ASB16: variants seen among roughly 807,000 people sequenced by gnomAD.
ASB16 encodes the protein ankyrin repeat and SOCS box containing 16.
Under a neutral mutation model 39.1 loss-of-function variants are expected in ASB16, and 44 were observed. The observed-to-expected ratio is 1.13, with a 90% CI of 0.88 to 1.45. The LOEUF is 1.45. Ranked by LOEUF, ASB16 falls within the 40% of genes most tolerant of loss-of-function variation. The pLI, the probability that ASB16 is intolerant of heterozygous loss-of-function variation, is 0.00. For synonymous variants in ASB16, 305 were observed against 286.7 expected (o/e 1.06, Z -0.64); for missense variants, 698 against 634.5 (o/e 1.10, Z -1.07).
Position 44,176,841 on chromosome 17 carries a change from C to T in ASB16, c.673C>T (p.His225Tyr), listed in dbSNP as rs1655620920. Residue 225 changes from histidine (H) to tyrosine (Y), a missense_variant, in exon 3 of 5, where the codon CAT becomes TAT. His to Tyr is a moderately conservative substitution (Grantham distance 83). Transcript: ENST00000293414. ...HVAAARGLEQHVALYLEHGAD... is the reference protein window; with the variant it reads ...HVAAARGLEQYVALYLEHGAD... Reference sequence around the variant, plus strand: ...GGCGGCGGCGCGCGGCCTGGAGCAACATGTGGCTCTGTACCTGGAGCATGG... The same window carrying T: ...GGCGGCGGCGCGCGGCCTGGAGCAATATGTGGCTCTGTACCTGGAGCATGG... The T allele has an allele frequency of 1.2e-6, 2 of 1,611,888 alleles. No homozygotes were observed. The highest frequency in any genetic ancestry group is 1.7e-4 in the Middle Eastern group (1 of 6,058).
Position 44,170,922 on chromosome 17 carries a change from C to G in ASB16, c.133C>G (p.Pro45Ala). 1.2e-6 allele frequency: 2 copies of G among 1,613,042 alleles called. No individual in the cohort carries two copies. Among genetic ancestry groups the G allele is most frequent in the Non-Finnish European group, 1.7e-6 (2 of 1,179,856 alleles). ...CCGGAGCCGCAGGTGCCCGTCAAGTCCCCGGGCCCGACTCACTAGGCCTCA... is the reference window on the plus strand; with the variant it reads ...CCGGAGCCGCAGGTGCCCGTCAAGTGCCCGGGCCCGACTCACTAGGCCTCA... ...QCRSRRCPSS[P>A]RARLTRPHRS... is the part of the protein sequence containing the mutation. Residue 45 changes from proline to alanine, a missense_variant, in exon 1 of 5, where the codon CCC becomes GCC. Pro to Ala is a conservative substitution (Grantham distance 27). Coordinates refer to ENST00000293414, the MANE Select transcript of ASB16 (RefSeq NM_080863.5).
At position 44,170,940 on chromosome 17, in the gene ASB16, A is replaced by G. The variant is rs1191810767; in HGVS notation, c.151A>G (p.Arg51Gly). The G allele has an allele frequency of 1.2e-6, 2 of 1,613,512 alleles. No homozygotes were observed. The highest frequency in any genetic ancestry group is 3.3e-5 in the Admixed American group (2 of 60,000). Reference protein sequence around the residue: ...CPSSPRARLTRPHRSCRDPAV... With the variant: ...CPSSPRARLTGPHRSCRDPAV... ...GTCAAGTCCCCGGGCCCGACTCACT[A>G]GGCCTCACCGTTCCTGCCGAGACCC... is the stretch of plus-strand genomic sequence containing the variant. The change falls in exon 1 of 5, where the codon AGG becomes GGG. Residue 51 changes from arginine (R) to glycine (G), a missense_variant. Transcript: ENST00000293414.
rs1277309854 is a variant in ASB16 at position 44,171,028 on chromosome 17, A to T, written c.239A>T (p.Glu80Val). Residue 80 changes from glutamate to valine, a missense_variant, in exon 1 of 5, where the codon GAA becomes GTA. By Grantham distance (121) the Glu-to-Val change is moderately radical. Coordinates refer to ENST00000293414, the MANE Select transcript of ASB16 (RefSeq NM_080863.5). ...CAGGTCCAAGCCCTGTTCCAAGATG[A>T]AGAGGCCGCCAACATGATTGTGGAG... is the stretch of plus-strand genomic sequence containing the variant. ...LQQVQALFQD[E>V]EAANMIVETV... 2.5e-6 allele frequency: 4 copies of T among 1,614,048 alleles called. No homozygotes were observed. The highest frequency in any genetic ancestry group is 2.5e-6 in the Non-Finnish European group (3 of 1,180,020).
At chr17:44,177,577 G>T (rs2054316979) in intron 3 of ASB16, 32 bp from the exon 4 acceptor site, 1 of 1,605,986 alleles carries the variant, frequency 6.2e-7, no homozygotes, top group South Asian at 1.1e-5. Flanking sequence ...GGTGGGGGAG[G>T]CATGTGCCCA....
In ASB16 at chr17:44,177,024, A is replaced by G; in HGVS notation, c.856A>G (p.Thr286Ala). The change falls in exon 3 of 5, where the codon ACG becomes GCG. Residue 286 changes from threonine to alanine, a missense_variant. By Grantham distance (58) the Thr-to-Ala change is moderately conservative. Transcript: ENST00000293414. ...CCGGGCGGCCGGGCGCAAGCGCCAC[A>G]CGCCGCTGCACAACGCTTGTGCCAA... is the stretch of plus-strand genomic sequence containing the variant. ...DARAAGRKRH[T>A]PLHNACANGC... The G allele has an allele frequency of 6.7e-7, 1 of 1,489,864 alleles. No homozygotes were observed. Among genetic ancestry groups the G allele is most frequent in the Non-Finnish European group, 8.8e-7 (1 of 1,132,592 alleles). 92.3% of individuals were successfully genotyped at this position (1,489,864 alleles called of 1,614,324 possible).
In ASB16 at chr17:44,172,172, G is replaced by A. The variant is rs575093403; in HGVS notation, c.428G>A (p.Gly143Asp). The A allele has an allele frequency of 5.0e-6, 8 of 1,612,522 alleles. No homozygotes were observed. The highest frequency in any genetic ancestry group is 1.1e-5 in the South Asian group (1 of 91,080). ...GCTGAGCTGGATGCCCGTGTCGGGG[G>A]TCGCGCTGCCTTGCATGAGGCCTGT... ...QGAELDARVG[G>D]RAALHEACAR... Residue 143 changes from glycine to aspartate, a missense_variant, in exon 2 of 5, where the codon GGT (glycine) becomes GAT (aspartate). By Grantham distance (94) the Gly-to-Asp change is moderately conservative. Coordinates refer to ENST00000293414, the MANE Select transcript of ASB16 (RefSeq NM_080863.5).
Position 44,177,064 on chromosome 17 carries a change from T to G in ASB16, c.896T>G (p.Leu299Arg). The G allele has an allele frequency of 6.8e-7, 1 of 1,472,752 alleles. No individual in the cohort carries two copies. Among genetic ancestry groups the G allele is most frequent in the African/African-American group, 1.5e-5 (1 of 67,642 alleles). 91.2% of individuals were successfully genotyped at this position (1,472,752 alleles called of 1,614,324 possible). The change falls in exon 3 of 5, where the codon CTG becomes CGG. Residue 299 changes from leucine (L) to arginine (R), a missense_variant. Leu to Arg is a moderately radical substitution (Grantham distance 102). Transcript: ENST00000293414. ...GCTTGTGCCAACGGCTGCGGGGGCC[T>G]GGCCGAGCTGCTGCTGCGTTACGGG... ...HNACANGCGG[L>R]AELLLRYGAR...
chr17:44,175,797 A>G (rs1262828657), intron 2 of ASB16, among the ~76,000 whole-genome samples: 1 of 152,184 alleles, frequency 6.6e-6, no homozygotes, highest in African/African-American at 2.4e-5. Context: ...ACTGGGAAAC[A>G]TGCACTCTTT....
At chr17:44,177,363 G>C (rs183411841) in intron 3 of ASB16, 133 bp downstream of exon 3, 2 of 1,315,616 alleles carry the variant, frequency 1.5e-6, no homozygotes, top group East Asian at 2.6e-5. Flanking sequence ...GCTGTCCCCA[G>C]CTTGGGAGGG....
intron 2 of ASB16, among the ~76,000 whole-genome samples, chr17:44,173,107 AGCCGGGC>A (rs2054256425): frequency 7.0e-6 from 1 of 143,850 alleles, no homozygotes; most frequent in Non-Finnish European, 1.5e-5. Flanking sequence ...AAAAAAAAAA[AGCCGGGC>A]GCCATGGCTC....
rs755099721 is a variant in ASB16 at position 44,172,298 on chromosome 17, TC to T, written c.558del (p.Glu187SerfsTer16). The T allele has an allele frequency of 2.5e-6, 4 of 1,612,326 alleles. No individual in the cohort carries two copies. The South Asian group carries it at 4.4e-5, about 18-fold the overall frequency. On this transcript the variant is annotated frameshift_variant, in exon 2 of 5. Coordinates refer to ENST00000293414, the MANE Select transcript of ASB16 (RefSeq NM_080863.5). LOFTEE classifies it high-confidence loss of function. ...ACGACTCCTTTGCACCTCTGCACGA[TC>T]CCCGAGTCCTTGCAGTAGGTGCCTG... is the stretch of plus-strand genomic sequence containing the variant. ...EGTTPLHLCT[I>X]PESLQCAKLL...
At position 44,177,170 on chromosome 17, in the gene ASB16, G is replaced by A; in HGVS notation, c.1002G>A (p.Trp334Ter). ...ALQAVQDSPN[W>*]EPEVLFAALL... Reference sequence around the variant, plus strand: ...AGGCCGTCCAGGACTCCCCCAACTGGGAGCCTGAAGTCCTTTTCGCCGCAC... The same window carrying A: ...AGGCCGTCCAGGACTCCCCCAACTGAGAGCCTGAAGTCCTTTTCGCCGCAC... The change falls in exon 3 of 5, where the codon TGG becomes TGA. Residue 334 changes from tryptophan (W) to a stop codon, truncating the protein, a stop_gained. Coordinates refer to ENST00000293414, the MANE Select transcript of ASB16 (RefSeq NM_080863.5). LOFTEE classifies it high-confidence loss of function. 1 of 1,532,478 alleles carries A rather than the reference G, an allele frequency of 6.5e-7. No individual in the cohort carries two copies. The allele number at this position is 1,532,478 out of a possible 1,614,324, so 94.9% of individuals were successfully genotyped here.
intron 2 of ASB16, among the ~76,000 whole-genome samples, chr17:44,174,537 C>T (rs1236763489): frequency 2.0e-5 from 3 of 152,022 alleles, no homozygotes; most frequent in African/African-American, 4.8e-5. Flanking sequence ...GGAGTCCCTG[C>T]ATGAGGGTAT....
chr17:44,174,708 A>G (rs1171480368), intron 2 of ASB16, among the ~76,000 whole-genome samples: 6 of 152,178 alleles, frequency 3.9e-5, no homozygotes, highest in Admixed American at 3.9e-4. Context: ...GGGTTCTTAC[A>G]GGCATGTGGT....
intron 2 of ASB16, 45 bp from the exon 3 acceptor site, chr17:44,176,693 C>CA (rs2054294510): frequency 6.2e-7 from 1 of 1,613,554 alleles, no homozygotes; most frequent in Non-Finnish European, 8.5e-7. Context: ...GAAGGGGTCC[C>CA]AAGCCTTCAG....
At chr17:44,177,746 T>A (rs778766270) in intron 4 of ASB16, 24 bp downstream of exon 4, 3 of 1,600,136 alleles carry the variant, frequency 1.9e-6, no homozygotes, top group Non-Finnish European at 2.6e-6. Context: ...AGGGCCGAGA[T>A]GGGGAGGAGG....
chr17:44,177,159 T>TC lies in ASB16; in HGVS notation c.996dup (p.Asn333GlnfsTer5). ...CTGTGCGCTGCAGGCCGTCCAGGAC[T>TC]CCCCCAACTGGGAGCCTGAAGTCCT... On this transcript the variant is annotated frameshift_variant, in exon 3 of 5. Transcript: ENST00000293414. LOFTEE classifies it high-confidence loss of function. 6.6e-7 allele frequency: 1 copy of TC among 1,524,056 alleles called. No individual in the cohort carries two copies. Among genetic ancestry groups the TC allele is most frequent in the East Asian group, 2.5e-5 (1 of 40,722 alleles). 94.4% of individuals were successfully genotyped at this position (1,524,056 alleles called of 1,614,324 possible). A position where few individuals can be genotyped will look rare whatever the true frequency, so the allele number is the denominator to read the frequency against.
intron 1 of ASB16, 116 bp downstream of exon 1, chr17:44,171,206 C>T (rs1173701949): frequency 1.8e-6 from 2 of 1,090,190 alleles, no homozygotes; most frequent in African/African-American, 1.6e-5. Context: ...CAGCCCTTTC[C>T]ACCACCTATC....
chr17:44,177,746 T>G (rs778766270), intron 4 of ASB16, 24 bp downstream of exon 4: 64 of 1,599,880 alleles, frequency 4.0e-5, no homozygotes, highest in Admixed American at 1.9e-4. Context: ...AGGGCCGAGA[T>G]GGGGAGGAGG....
Sources: allele counts gnomAD v4.1 joint callset (sites outside exome capture counted in the v4.1 genomes callset), GRCh38; gene constraint gnomAD v4.1.1; transcripts MANE v1.5; gene names NCBI Gene and HGNC (gene_info 2026-07-23, HGNC 2026-07-21).